The following ANKRD30B variants were observed in gnomAD, a reference collection of about 807,000 sequenced individuals.
The protein encoded by ANKRD30B is ankyrin repeat domain-containing protein 30B.
In ANKRD30B, 144 loss-of-function variants were observed where a neutral mutation model predicts 202.2. The ratio of observed to expected loss-of-function variants is 0.71; its 90% CI spans 0.62 to 0.82. The LOEUF (loss-of-function observed/expected upper bound fraction) is 0.82. ANKRD30B is among the 40% of genes least tolerant of loss of function. The probability of loss-of-function intolerance (pLI) is 0.00; values close to 1 mark genes in which losing one functional copy is unlikely to be tolerated. For missense variants in ANKRD30B, 1,487 were observed against 1,669.1 expected (o/e 0.89, Z 1.90); for synonymous variants, 508 against 561.3 (o/e 0.91, Z 1.34).
intron 5 of ANKRD30B, among the ~76,000 whole-genome samples, chr18:14,760,130 G>A (rs189753565): frequency 3.3e-4 from 50 of 152,224 alleles, no homozygotes; most frequent in African/African-American, 1.1e-3. Flanking sequence ...ATTTCTTTGA[G>A]CATTTTAAAA....
chr18:14,799,757 G>T (rs74193924), intron 22 of ANKRD30B, among the ~76,000 whole-genome samples: 1 of 152,128 alleles, frequency 6.6e-6, no homozygotes, highest in East Asian at 1.9e-4. Flanking sequence ...GTGTGTGTGT[G>T]TGTGTGACAT....
At chr18:14,859,058 C>G (rs1269743665), downstream of ANKRD30B, among the ~76,000 whole-genome samples, 1 of 113,216 alleles carries the variant, frequency 8.8e-6, no homozygotes, top group African/African-American at 3.7e-5. Context: ...TCGCCTCCCA[C>G]ATGGGGTGGC....
chr18:14,766,961 T>A (rs1215129647), intron 7 of ANKRD30B, among the ~76,000 whole-genome samples: 1 of 152,194 alleles, frequency 6.6e-6, no homozygotes, highest in Non-Finnish European at 1.5e-5. Context: ...AAAAGAATTA[T>A]TTTAGGGTTG....
In ANKRD30B at chr18:14,837,475, C is replaced by A. The variant is rs528833818; in HGVS notation, c.2927-140C>A. 362 of 858,660 alleles carry A rather than the reference C, an allele frequency of 4.2e-4. 4 individuals are homozygous for A. In the South Asian group the frequency reaches 7.4e-3, roughly 18 times the overall value. The allele number at this position is 858,660 out of a possible 1,614,324, so 53.2% of individuals were successfully genotyped here. On this transcript the variant is annotated intron_variant, in intron 35 of 43. Transcript: ENST00000690538. ...TACTATCAACTCTTTTTTTTCTGAA[C>A]CTGCTTCAATTCTGAAATTCTATTT...
chr18:14,809,114 C>T lies in ANKRD30B; in HGVS notation c.2386+370C>T, dbSNP rs180714699. 4.2e-5 allele frequency among the ~76,000 whole-genome samples: 6 copies of T among 141,884 alleles called. 1 individual carries two copies. The highest frequency in any genetic ancestry group is 1.6e-4 in the African/African-American group (6 of 37,158). The allele number at this position is 141,884 out of a possible 152,430, so 93.1% of individuals were successfully genotyped here. ...TGGTGCCAACAATTCACTAGATATA[C>T]CCGCATTTACTATTAAGTTTAGTGA... On this transcript the variant is annotated intron_variant, in intron 26 of 43. Transcript: ENST00000690538.
chr18:14,889,648 G>A, the ANKRD30B span, among the ~76,000 whole-genome samples: 1 of 150,212 alleles, frequency 6.7e-6, no homozygotes, highest in South Asian at 2.1e-4. Flanking sequence ...TGTGCAAATT[G>A]GGTGAACTTT....
chr18:14,795,292 G>A (rs1968798929), intron 16 of ANKRD30B, among the ~76,000 whole-genome samples: 1 of 152,186 alleles, frequency 6.6e-6, no homozygotes, highest in Middle Eastern at 3.2e-3. Context: ...GGCCTCCTGG[G>A]TTCAAGTGAT....
At chr18:14,885,663 C>A in the ANKRD30B span, among the ~76,000 whole-genome samples, 14 of 151,940 alleles carry the variant, frequency 9.2e-5, no homozygotes, top group Admixed American at 9.2e-4. Context: ...GTCTAGAGAA[C>A]CAGAAGAGCA....
chr18:14,755,049 T>C, intron 4 of ANKRD30B, 44 bp downstream of exon 4: 1 of 1,131,328 alleles, frequency 8.8e-7, no homozygotes, highest in African/African-American at 1.6e-5. Flanking sequence ...TTGACTAGTG[T>C]TCTAGAGTAA....
the ANKRD30B span, among the ~76,000 whole-genome samples, chr18:14,868,417 C>G: frequency 6.7e-6 from 1 of 150,238 alleles, no homozygotes; most frequent in African/African-American, 2.4e-5. Flanking sequence ...TAGGGGCTTA[C>G]GATTTGTGTA....
intron 32 of ANKRD30B, among the ~76,000 whole-genome samples, chr18:14,825,407 T>G (rs1189065697): frequency 6.6e-6 from 1 of 152,106 alleles, no homozygotes; most frequent in Admixed American, 6.6e-5. Flanking sequence ...AACTGTTGAG[T>G]AAACATCACT....
the ANKRD30B span, among the ~76,000 whole-genome samples, chr18:14,932,479 G>A: frequency 6.6e-6 from 1 of 152,188 alleles, no homozygotes; most frequent in Admixed American, 6.5e-5. Context: ...TGGGACTACA[G>A]GCGCCCGCCA....
chr18:14,757,907 A>T lies in ANKRD30B; in HGVS notation c.710A>T (p.His237Leu). The T allele has an allele frequency of 1.2e-6, 2 of 1,611,046 alleles. No homozygotes were observed. The highest frequency in any genetic ancestry group is 1.7e-6 in the Non-Finnish European group (2 of 1,178,308). The part of the protein sequence containing the change: ...QNVDVFAEDI[H>L]GITAERYAAA... ...GTTGACGTCTTTGCTGAAGACATAC[A>T]TGGAATAACTGCAGAACGTTATGCT... is the stretch of plus-strand genomic sequence containing the variant. Residue 237 changes from histidine (H) to leucine (L), a missense_variant, in exon 5 of 44, where the codon CAT (histidine) becomes CTT (leucine). His to Leu is a moderately conservative substitution (Grantham distance 99). Around this residue, in one of 6 missense-constraint regions of ANKRD30B, gnomAD observed 889 missense variants for 841.4 expected, o/e 1.06. Transcript: ENST00000690538.
intron 22 of ANKRD30B, among the ~76,000 whole-genome samples, chr18:14,800,148 C>A (rs1969218502): frequency 6.6e-6 from 1 of 151,256 alleles, no homozygotes; most frequent in Admixed American, 6.6e-5. Context: ...AGGAGAATTG[C>A]TTGAACCCAT....
At chr18:14,759,600 G>T (rs1430881545) in intron 5 of ANKRD30B, among the ~76,000 whole-genome samples, 1 of 152,230 alleles carries the variant, frequency 6.6e-6, no homozygotes, top group Non-Finnish European at 1.5e-5. Flanking sequence ...TTCTAACAAA[G>T]ATTTGTTGAT....
At chr18:14,928,732 T>C in the ANKRD30B span, among the ~76,000 whole-genome samples, 1 of 152,208 alleles carries the variant, frequency 6.6e-6, no homozygotes, top group Non-Finnish European at 1.5e-5. Flanking sequence ...CTCCCTCCTC[T>C]ATTGGTACTG....
chr18:14,913,575 T>C, the ANKRD30B span, among the ~76,000 whole-genome samples: 1 of 152,250 alleles, frequency 6.6e-6, no homozygotes, highest in Non-Finnish European at 1.5e-5. Context: ...AGAGCAATAT[T>C]TGACATCAGT....
At chr18:14,929,897 AT>A in the ANKRD30B span, among the ~76,000 whole-genome samples, 1 of 152,120 alleles carries the variant, frequency 6.6e-6, no homozygotes, top group African/African-American at 2.4e-5. Context: ...AGGAAATGAC[AT>A]TTCATCTCAC....
intron 11 of ANKRD30B, among the ~76,000 whole-genome samples, chr18:14,781,013 C>T (rs1286924633): frequency 6.6e-6 from 1 of 152,250 alleles, no homozygotes; most frequent in South Asian, 2.1e-4. Flanking sequence ...AAGTGTCTGA[C>T]CTCTTACATC....
Sources: gnomAD v4.1 joint callset for allele counts (sites outside exome capture counted in the v4.1 genomes callset) on GRCh38, gnomAD v4.1.1 for gene constraint, gnomAD v4.1.1 regional missense constraint, MANE v1.5 for transcripts, NCBI Gene and HGNC (gene_info 2026-07-23, HGNC 2026-07-21) for gene names.